The following SLC18A2 variants were observed in gnomAD, a reference collection of about 807,000 sequenced individuals.
SLC18A2 encodes the protein synaptic vesicular amine transporter.
Under a neutral mutation model 59.2 loss-of-function variants are expected in SLC18A2, and 33 were observed. The observed-to-expected ratio is 0.56, with a 90% CI of 0.42 to 0.75. The LOEUF (loss-of-function observed/expected upper bound fraction) is 0.75. SLC18A2 is among the 30% of genes least tolerant of loss of function. The pLI, the probability that SLC18A2 is intolerant of heterozygous loss-of-function variation, is 0.00. For missense variants in SLC18A2, 569 were observed against 668.6 expected, an observed-to-expected ratio of 0.85 and a Z score of 1.64; for synonymous variants, 228 against 253.5, an observed-to-expected ratio of 0.90 and a Z score of 0.95.
At chr10:117,252,014 A>G (rs1018226878) in intron 3 of SLC18A2, among the ~76,000 whole-genome samples, 2 of 152,024 alleles carry the variant, frequency 1.3e-5, no homozygotes, top group African/African-American at 2.4e-5. Flanking sequence ...GCTGGAGTGC[A>G]GTGGCATGAT....
intron 9 of SLC18A2, 114 bp from the exon 10 acceptor site, chr10:117,257,683 A>G (rs1382752760): frequency 5.6e-6 from 3 of 540,074 alleles, no homozygotes; most frequent in East Asian, 3.0e-5. Context: ...TTTATCCTTT[A>G]CTTAATGAAA....
Position 117,277,206 on chromosome 10 carries a change from C to T in SLC18A2, c.1485C>T (p.Tyr495=), listed in dbSNP as rs1844509492. 1 of 1,611,878 alleles carries T rather than the reference C, an allele frequency of 6.2e-7. No homozygotes were observed. The highest frequency in any genetic ancestry group is 1.3e-5 in the African/African-American group (1 of 74,862). ...DHNCPIKTKM[Y]TQNNIQSYPI... is the part of the protein sequence containing the mutation. The stretch of plus-strand genomic sequence containing the variant: ...ACTGCCCTATTAAAACAAAAATGTA[C>T]ACTCAGAATAATATCCAGTCATATC... Residue 495 remains tyrosine, a synonymous_variant, in exon 16 of 16, where the codon TAC becomes TAT. Transcript: ENST00000644641.
chr10:117,257,676 A>C, intron 9 of SLC18A2, 121 bp from the exon 10 acceptor site: 1 of 529,244 alleles, frequency 1.9e-6, no homozygotes, highest in Non-Finnish European at 3.4e-6. Context: ...TATGCGATTT[A>C]TCCTTTACTT....
At chr10:117,241,981 G>A in intron 2 of SLC18A2, 167 bp downstream of exon 2, 3 of 599,246 alleles carry the variant, frequency 5.0e-6, no homozygotes, top group South Asian at 4.6e-5. Context: ...CCGGGGCTAG[G>A]AGGAGCCGCG....
intron 2 of SLC18A2, among the ~76,000 whole-genome samples, chr10:117,243,049 T>C (rs1214201277): frequency 6.6e-6 from 1 of 152,206 alleles, no homozygotes; most frequent in African/African-American, 2.4e-5. Context: ...GTTTTGCTTT[T>C]TCCTTGTGAA....
chr10:117,242,814 C>A (rs912521212), intron 2 of SLC18A2, among the ~76,000 whole-genome samples: 6 of 152,166 alleles, frequency 3.9e-5, no homozygotes, highest in Non-Finnish European at 4.4e-5. Flanking sequence ...CTCACTGCAA[C>A]CTCCACCTCC....
rs1246488669 is a variant in SLC18A2, at chr10:117,279,185, T to C, written c.*1919T>C. On this transcript the variant is annotated 3_prime_UTR_variant, in exon 16 of 16. Coordinates refer to ENST00000644641, the MANE Select transcript of SLC18A2 (RefSeq NM_003054.6). The stretch of plus-strand genomic sequence containing the variant: ...TTGGGGAAAAAAATTCTAAGTTCTT[T>C]TATATGACTAATATTCTTGGTTAGC... 1 of 152,214 alleles carries C rather than the reference T, an allele frequency of 6.6e-6. No individual in the cohort carries two copies. Among genetic ancestry groups the C allele is most frequent in the Non-Finnish European group, 1.5e-5 (1 of 68,040 alleles). 9.4% of individuals were successfully genotyped at this position (152,214 alleles called of 1,614,324 possible). A position where few individuals can be genotyped will look rare whatever the true frequency, so the allele number is the denominator to read the frequency against.
In SLC18A2 at chr10:117,269,954, T is replaced by G; in HGVS notation, c.1187-117T>G. ...GTATCACCCCAAGACTTGCAGGTGG[T>G]GATGACAGAAGGGGAAGAGCTGGCA... On this transcript the variant is annotated intron_variant, in intron 13 of 15. Transcript: ENST00000644641. The surrounding 1 kb of genome is among the most constrained non-coding windows in gnomAD (Gnocchi z 5.1). The G allele has an allele frequency of 8.1e-7, 1 of 1,230,894 alleles. No individual in the cohort carries two copies. The highest frequency in any genetic ancestry group is 1.4e-5 in the South Asian group (1 of 71,076). The allele number at this position is 1,230,894 out of a possible 1,614,324, so 76.2% of individuals were successfully genotyped here.
At position 117,255,317 on chromosome 10, in the gene SLC18A2, G is replaced by C; in HGVS notation, c.741G>C (p.Gly247=). The C allele has an allele frequency of 6.2e-7, 1 of 1,614,242 alleles. No individual in the cohort carries two copies. The highest frequency in any genetic ancestry group is 8.5e-7 in the Non-Finnish European group (1 of 1,180,042). The part of the protein sequence containing the change: ...PFGSVLYEFV[G]KTAPFLVLAA... ...GGAGTGTGCTCTATGAGTTTGTGGG[G>C]AAGACGGCTCCGTTCCTGGTGCTGG... Residue 247 remains glycine (G), a synonymous_variant, in exon 7 of 16, where the codon GGG becomes GGC. Transcript: ENST00000644641.
chr10:117,261,630 CT>C (rs1465853762), intron 10 of SLC18A2, among the ~76,000 whole-genome samples: 5 of 152,186 alleles, frequency 3.3e-5, no homozygotes, highest in African/African-American at 9.6e-5. Flanking sequence ...AAGCTGCCCC[CT>C]GGCTTAGACT....
intron 9 of SLC18A2, among the ~76,000 whole-genome samples, chr10:117,256,476 G>T (rs564278148): frequency 1.3e-5 from 2 of 152,304 alleles, no homozygotes; most frequent in African/African-American, 2.4e-5. Flanking sequence ...GACCCAGTTA[G>T]GGTTAGACTT....
Position 117,241,741 on chromosome 10 carries a change from C to T in SLC18A2, c.48C>T (p.Arg16=). The change falls in exon 2 of 16, where the codon CGC becomes CGT. Residue 16 remains arginine, a synonymous_variant. Coordinates refer to ENST00000644641, the MANE Select transcript of SLC18A2 (RefSeq NM_003054.6). The part of the protein sequence containing the change: ...LALVRWLQES[R]RSRKLILFIV... Reference sequence around the variant, plus strand: ...TGGTCCGCTGGCTGCAGGAGAGCCGCCGCTCGCGGAAGCTCATCCTGTTCA... The same window carrying T: ...TGGTCCGCTGGCTGCAGGAGAGCCGTCGCTCGCGGAAGCTCATCCTGTTCA... The T allele has an allele frequency of 6.2e-7, 1 of 1,609,594 alleles. No individual in the cohort carries two copies. Among genetic ancestry groups the T allele is most frequent in the South Asian group, 1.1e-5 (1 of 90,640 alleles).
At chr10:117,255,896 C>T (rs1012199292) in intron 9 of SLC18A2, among the ~76,000 whole-genome samples, 3 of 152,192 alleles carry the variant, frequency 2.0e-5, no homozygotes, top group Non-Finnish European at 4.4e-5. Flanking sequence ...ATGGCGTATG[C>T]TGGGCTCTGC....
intron 10 of SLC18A2, among the ~76,000 whole-genome samples, chr10:117,263,546 C>T (rs918988104): frequency 6.6e-6 from 1 of 152,190 alleles, no homozygotes; most frequent in Non-Finnish European, 1.5e-5. Flanking sequence ...TCTTCCACGT[C>T]GCTCCCTTGC....
At position 117,277,144 on chromosome 10, in the gene SLC18A2, C is replaced by G; in HGVS notation, c.1441-18C>G. Reference sequence around the variant, plus strand: ...ATGAAACAAGAAGTTAATATACTTGCACTTTGCTCTCTTTTAGGCTATTCT... The same window carrying G: ...ATGAAACAAGAAGTTAATATACTTGGACTTTGCTCTCTTTTAGGCTATTCT... On this transcript the variant is annotated intron_variant, in intron 15 of 15. Transcript: ENST00000644641. 2 of 1,334,418 alleles carry G rather than the reference C, an allele frequency of 1.5e-6. No individual in the cohort carries two copies. The highest frequency in any genetic ancestry group is 2.1e-6 in the Non-Finnish European group (2 of 938,958). The allele number at this position is 1,334,418 out of a possible 1,614,324, so 82.7% of individuals were successfully genotyped here. A position where few individuals can be genotyped will look rare whatever the true frequency, so the allele number is the denominator to read the frequency against.
intron 13 of SLC18A2, 75 bp downstream of exon 13, chr10:117,267,811 C>A: frequency 8.7e-7 from 1 of 1,145,814 alleles, no homozygotes; most frequent in South Asian, 1.6e-5. Context: ...CTCTGGTAGA[C>A]TGTAGTTCCT....
Position 117,277,192 on chromosome 10 carries a change from A to T in SLC18A2, c.1471A>T (p.Lys491Ter). 6.2e-7 allele frequency: 1 copy of T among 1,610,672 alleles called. No individual in the cohort carries two copies. The highest frequency in any genetic ancestry group is 8.5e-7 in the Non-Finnish European group (1 of 1,177,462). ...TCTCATGGATCACAACTGCCCTATT[A>T]AAACAAAAATGTACACTCAGAATAA... ...AILMDHNCPI[K>*]TKMYTQNNIQ... Residue 491 changes from lysine (K) to a stop codon, truncating the protein, a stop_gained, in exon 16 of 16, where the codon AAA becomes TAA. Coordinates refer to ENST00000644641, the MANE Select transcript of SLC18A2 (RefSeq NM_003054.6). LOFTEE classifies it high-confidence loss of function.
intron 3 of SLC18A2, among the ~76,000 whole-genome samples, chr10:117,249,349 CT>C (rs1279807014): frequency 1.3e-5 from 2 of 152,234 alleles, no homozygotes; most frequent in Non-Finnish European, 2.9e-5. Flanking sequence ...TCCGTGCCCC[CT>C]GGAATTCTCT....
intron 10 of SLC18A2, among the ~76,000 whole-genome samples, chr10:117,259,214 A>T (rs898367952): frequency 6.6e-6 from 1 of 152,080 alleles, no homozygotes; most frequent in Non-Finnish European, 1.5e-5. Flanking sequence ...TGCAAATTTA[A>T]TTTTCCTGGA....
Sources: allele counts gnomAD v4.1 joint callset (sites outside exome capture counted in the v4.1 genomes callset), GRCh38; gene constraint gnomAD v4.1.1; non-coding constraint Gnocchi (gnomAD v3.1); transcripts MANE v1.5; gene names NCBI Gene and HGNC (gene_info 2026-07-23, HGNC 2026-07-21).